The following CTTNBP2 variants were observed in gnomAD, a reference collection of about 807,000 sequenced individuals.
CTTNBP2 encodes the protein cortactin-binding protein 2.
CTTNBP2 carries 108 observed loss-of-function variants against 156.9 expected under a neutral mutation model. That is an observed-to-expected ratio of 0.69 (90% CI 0.59 to 0.81). CTTNBP2 has a LOEUF of 0.81. CTTNBP2 is among the 30% of genes least tolerant of loss of function. The probability of loss-of-function intolerance (pLI) is 0.00; values close to 1 mark genes in which losing one functional copy is unlikely to be tolerated. For synonymous variants in CTTNBP2, 767 were observed against 751.8 expected (o/e 1.02, Z -0.33); for missense variants, 1,924 against 2,035.4 (o/e 0.95, Z 1.05).
At chr7:117,842,789 G>A (rs920234539) in intron 2 of CTTNBP2, among the ~76,000 whole-genome samples, 4 of 152,160 alleles carry the variant, frequency 2.6e-5, no homozygotes, top group Admixed American at 2.6e-4. Context: ...TAAACTCCTT[G>A]ATATAAAGAT....
intron 8 of CTTNBP2, among the ~76,000 whole-genome samples, chr7:117,772,624 T>C (rs189122844): frequency 6.6e-6 from 1 of 152,308 alleles, no homozygotes; most frequent in Admixed American, 6.5e-5. Context: ...TAAACAGGGT[T>C]GTACTGAGAA....
chr7:117,858,746 C>T (rs1325340083), intron 2 of CTTNBP2, among the ~76,000 whole-genome samples: 5 of 152,154 alleles, frequency 3.3e-5, no homozygotes, highest in Admixed American at 1.3e-4. Flanking sequence ...TATGACCAGT[C>T]TAGAGGGTAA....
At position 117,873,386 on chromosome 7, in the gene CTTNBP2, G is replaced by C. The variant is rs761555549; in HGVS notation, c.30C>G (p.Pro10=). MATDGASCE[P]DLSRAPEDAA... is the part of the protein sequence containing the mutation. ...CGTCCTCCGGGGCCCGGGACAAGTC[G>C]GGCTCGCAGCTCGCGCCGTCCGTCG... The change falls in exon 1 of 23, where the codon CCC becomes CCG. Residue 10 remains proline, a synonymous_variant. Transcript: ENST00000160373. 2 of 1,488,644 alleles carry C rather than the reference G, an allele frequency of 1.3e-6. No individual in the cohort carries two copies. The highest frequency in any genetic ancestry group is 2.8e-5 in the East Asian group (1 of 35,236). The allele number at this position is 1,488,644 out of a possible 1,614,324, so 92.2% of individuals were successfully genotyped here. A position where few individuals can be genotyped will look rare whatever the true frequency, so the allele number is the denominator to read the frequency against.
At chr7:117,743,431 T>C (rs1354935175) in intron 14 of CTTNBP2, among the ~76,000 whole-genome samples, 1 of 152,118 alleles carries the variant, frequency 6.6e-6, no homozygotes, top group Non-Finnish European at 1.5e-5. Context: ...GGGTTTGAGT[T>C]CCGTTTTATG....
intron 12 of CTTNBP2, among the ~76,000 whole-genome samples, chr7:117,747,358 G>C (rs184182512): frequency 1.3e-5 from 2 of 152,304 alleles, no homozygotes; most frequent in Admixed American, 1.3e-4. Context: ...TGTGAAGATA[G>C]TAAAAATGCC....
At chr7:117,786,461 C>A in intron 4 of CTTNBP2, 1 of 435,352 alleles carries the variant, frequency 2.3e-6, no homozygotes, top group Non-Finnish European at 4.6e-6. Flanking sequence ...AACAGGCCCA[C>A]AAAAATTAAA....
At chr7:117,768,915 C>T (rs894869184) in intron 8 of CTTNBP2, among the ~76,000 whole-genome samples, 1 of 152,182 alleles carries the variant, frequency 6.6e-6, no homozygotes, top group African/African-American at 2.4e-5. Flanking sequence ...AAAATGATTA[C>T]TATGTGGGAT....
chr7:117,713,496 C>T (rs964881418), intron 22 of CTTNBP2, among the ~76,000 whole-genome samples: 6 of 152,060 alleles, frequency 3.9e-5, no homozygotes, highest in Admixed American at 1.3e-4. Context: ...GCAGGAAATC[C>T]TCAGTTATCT....
chr7:117,762,895 A>G (rs1370332459), intron 9 of CTTNBP2, among the ~76,000 whole-genome samples: 1 of 152,182 alleles, frequency 6.6e-6, no homozygotes, highest in East Asian at 1.9e-4. Context: ...TTCCTCAGAC[A>G]CAACAGGAAT....
intron 2 of CTTNBP2, among the ~76,000 whole-genome samples, chr7:117,858,513 T>A (rs1215035626): frequency 1.3e-5 from 2 of 152,208 alleles, no homozygotes; most frequent in East Asian, 3.8e-4. Context: ...CTCCAGGCTT[T>A]TTGTTTGATT....
At chr7:117,870,085 A>T (rs910846605) in intron 1 of CTTNBP2, among the ~76,000 whole-genome samples, 1 of 152,112 alleles carries the variant, frequency 6.6e-6, no homozygotes, top group Admixed American at 6.5e-5. Flanking sequence ...TCCACTAGGG[A>T]CCCTCTCTAT....
intron 2 of CTTNBP2, among the ~76,000 whole-genome samples, chr7:117,815,237 A>G (rs1303970744): frequency 2.0e-5 from 3 of 152,226 alleles, no homozygotes; most frequent in Admixed American, 6.5e-5. Context: ...CTTATAAATT[A>G]GAATGCAGTT....
At chr7:117,817,361 A>ATAAATAAATAAATATATATATATATATAT (rs1298639361) in intron 2 of CTTNBP2, among the ~76,000 whole-genome samples, 9 of 53,308 alleles carry the variant, frequency 1.7e-4, no homozygotes, top group Non-Finnish European at 2.4e-4. Context: ...AAAAAAAAAA[A>ATAAATAAATAAATATATATATATATATAT]ATATATATAT....
intron 16 of CTTNBP2, among the ~76,000 whole-genome samples, chr7:117,732,556 A>G (rs1400589657): frequency 6.7e-6 from 1 of 150,214 alleles, no homozygotes; most frequent in East Asian, 2.0e-4. Context: ...AGGCTGAGGC[A>G]GGAGAATGGT....
intron 16 of CTTNBP2, among the ~76,000 whole-genome samples, chr7:117,732,309 C>G (rs1795444985): frequency 6.6e-6 from 1 of 151,936 alleles, no homozygotes; most frequent in Non-Finnish European, 1.5e-5. Context: ...AGGGTTCACA[C>G]AAAAATAAAT....
rs149414919 is a variant in CTTNBP2, at chr7:117,749,215, C to T, written c.3349-3116G>A. 6.4e-3 allele frequency among the ~76,000 whole-genome samples: 967 copies of T among 152,192 alleles called. 10 individuals carry two copies. Among genetic ancestry groups the T allele is most frequent in the African/African-American group, 0.021 (889 of 41,522 alleles). On this transcript the variant is annotated intron_variant, in intron 12 of 22. Transcript: ENST00000160373. Reference sequence around the variant, plus strand: ...GGTATATGGTTAATTTGTTATTATTCGTTTATGTACTATGAAACCAGAGGA... The same window carrying T: ...GGTATATGGTTAATTTGTTATTATTTGTTTATGTACTATGAAACCAGAGGA...
chr7:117,831,021 T>C (rs1202855097), intron 2 of CTTNBP2, among the ~76,000 whole-genome samples: 1 of 152,194 alleles, frequency 6.6e-6, no homozygotes, highest in Non-Finnish European at 1.5e-5. Context: ...TAAAGTGTAA[T>C]TCTAACTGTG....
chr7:117,767,508 C>T (rs1426293014), intron 8 of CTTNBP2, among the ~76,000 whole-genome samples: 1 of 152,192 alleles, frequency 6.6e-6, no homozygotes, highest in Admixed American at 6.5e-5. Context: ...CAGACATTCT[C>T]CTTTTATGGT....
rs35560931 is a variant in CTTNBP2, at chr7:117,851,542, T to A, written c.189+9667A>T. Among the ~76,000 whole-genome samples, 874 of 152,328 alleles carry A rather than the reference T, an allele frequency of 5.7e-3. 9 individuals are homozygous for A. The highest frequency in any genetic ancestry group is 0.02 in the African/African-American group (820 of 41,564). The stretch of plus-strand genomic sequence containing the variant: ...ATTTCCAAAAGTGGTTAACGTAATC[T>A]CCCTTAGACACTGTTTTTACCACAT... On this transcript the variant is annotated intron_variant, in intron 2 of 22. Coordinates refer to ENST00000160373, the MANE Select transcript of CTTNBP2 (RefSeq NM_033427.3).
Sources: gnomAD v4.1 joint callset for allele counts (sites outside exome capture counted in the v4.1 genomes callset) on GRCh38, gnomAD v4.1.1 for gene constraint, MANE v1.5 for transcripts, NCBI Gene and HGNC (gene_info 2026-07-23, HGNC 2026-07-21) for gene names.